Variants in GHR observed in about 807,000 individuals in gnomAD.
GHR encodes the protein GH receptor.
In GHR, 35 loss-of-function variants were observed where a neutral mutation model predicts 67.1. That is an observed-to-expected ratio of 0.52 (90% confidence interval 0.40 to 0.69). The LOEUF (loss-of-function observed/expected upper bound fraction) is 0.69. Ranked by LOEUF, GHR falls within the 30% of genes least tolerant of loss-of-function variation. The pLI, the probability that GHR is intolerant of heterozygous loss-of-function variation, is 0.00. For missense variants in GHR, 792 were observed against 764.6 expected (o/e 1.04, Z -0.42); for synonymous variants, 272 against 269.1 (o/e 1.01, Z -0.10).
chr5:42,643,912 A>G (rs1754602809), intron 3 of GHR, among the ~76,000 whole-genome samples: 1 of 152,094 alleles, frequency 6.6e-6, no homozygotes, highest in African/African-American at 2.4e-5. Context: ...AAAATTTAAT[A>G]CCTCAAGGGA....
At chr5:42,632,406 A>C (rs1279223408) in intron 3 of GHR, among the ~76,000 whole-genome samples, 1 of 152,216 alleles carries the variant, frequency 6.6e-6, no homozygotes, top group Non-Finnish European at 1.5e-5. Flanking sequence ...CTGGAGAGAC[A>C]CATATGGTCA....
At chr5:42,538,769 T>C (rs990006607) in intron 1 of GHR, among the ~76,000 whole-genome samples, 4 of 152,164 alleles carry the variant, frequency 2.6e-5, no homozygotes, top group Non-Finnish European at 5.9e-5. Flanking sequence ...CTCAAATATG[T>C]TTTCCCAAAC....
chr5:42,529,666 C>T (rs552456280), intron 1 of GHR, among the ~76,000 whole-genome samples: 34 of 152,252 alleles, frequency 2.2e-4, no homozygotes, highest in African/African-American at 8.2e-4. Flanking sequence ...ACGGACACAG[C>T]TTAACTCTTG....
rs1235461015 is a variant in GHR, at chr5:42,695,028, T to C, written c.378T>C (p.Cys126=). The change falls in exon 5 of 10, where the codon TGT becomes TGC. Residue 126 remains cysteine, a synonymous_variant. Coordinates refer to ENST00000230882, the MANE Select transcript of GHR (RefSeq NM_000163.5). ...TTACCTCCATCTGGATACCTTATTG[T>C]ATCAAGCTAACTAGCAATGGTGGTA... The part of the protein sequence containing the change: ...SSFTSIWIPY[C]IKLTSNGGTV... 4.3e-6 allele frequency: 7 copies of C among 1,610,758 alleles called. No homozygotes were observed. The highest frequency in any genetic ancestry group is 5.9e-6 in the Non-Finnish European group (7 of 1,177,058).
chr5:42,644,913 C>A (rs930536897), intron 3 of GHR, among the ~76,000 whole-genome samples: 3 of 152,050 alleles, frequency 2.0e-5, no homozygotes, highest in Non-Finnish European at 4.4e-5. Context: ...AAACACAATT[C>A]ACATTCTCAG....
chr5:42,521,357 T>G (rs1204511310), intron 1 of GHR, among the ~76,000 whole-genome samples: 1 of 152,222 alleles, frequency 6.6e-6, no homozygotes, highest in Non-Finnish European at 1.5e-5. Context: ...GGTTACAGGA[T>G]GGCATCTCAG....
At position 42,718,845 on chromosome 5, in the gene GHR, C is replaced by G. The variant is rs1036778839; in HGVS notation, c.1338C>G (p.Pro446=). The change falls in exon 10 of 10, where the codon CCC becomes CCG. Residue 446 remains proline (P), a synonymous_variant. Transcript: ENST00000230882. ...ATGCTTGCCCTGCTACTCAGCAGCC[C>G]AGTGTTATCCAAGCAGAGAAAAACA... ...YHDACPATQQ[P]SVIQAEKNKP... 14 of 1,613,942 alleles carry G rather than the reference C, an allele frequency of 8.7e-6. No individual in the cohort carries two copies. Among genetic ancestry groups the G allele is most frequent in the African/African-American group, 1.3e-5 (1 of 74,872 alleles).
intron 2 of GHR, among the ~76,000 whole-genome samples, chr5:42,622,395 C>G (rs1753494160): frequency 6.6e-6 from 1 of 152,092 alleles, no homozygotes; most frequent in Non-Finnish European, 1.5e-5. Flanking sequence ...GTGATTCTGA[C>G]CAGAGCAAGA....
intron 1 of GHR, among the ~76,000 whole-genome samples, chr5:42,463,340 C>T (rs1744567536): frequency 6.6e-6 from 1 of 152,116 alleles, no homozygotes; most frequent in Non-Finnish European, 1.5e-5. Context: ...GCCTTGTTGG[C>T]CATATCTTTT....
chr5:42,532,956 A>G (rs1748044980), intron 1 of GHR, among the ~76,000 whole-genome samples: 1 of 152,128 alleles, frequency 6.6e-6, no homozygotes, highest in African/African-American at 2.4e-5. Context: ...CATATATATC[A>G]GTGTACTTGC....
intron 1 of GHR, among the ~76,000 whole-genome samples, chr5:42,536,498 G>A (rs1224248252): frequency 6.6e-6 from 1 of 151,880 alleles, no homozygotes; most frequent in Non-Finnish European, 1.5e-5. Flanking sequence ...CCATCTCTGT[G>A]CCCCTGGTAT....
intron 1 of GHR, among the ~76,000 whole-genome samples, chr5:42,485,094 T>C (rs1414346302): frequency 1.3e-5 from 2 of 152,166 alleles, no homozygotes; most frequent in Non-Finnish European, 2.9e-5. Flanking sequence ...CCCTGTCAAG[T>C]TTACCCATTA....
intron 3 of GHR, among the ~76,000 whole-genome samples, chr5:42,682,860 T>A (rs1756955619): frequency 6.6e-6 from 1 of 152,218 alleles, no homozygotes; most frequent in Admixed American, 6.5e-5. Flanking sequence ...CTGTGTCCTG[T>A]GCTTCAAGCT....
At chr5:42,454,105 G>T (rs67526935) in intron 1 of GHR, among the ~76,000 whole-genome samples, 11,829 of 152,196 alleles carry the variant, frequency 0.078, 606 homozygotes, top group African/African-American at 0.14. Flanking sequence ...CCAGGCTCTG[G>T]GCTGGTGCTG....
At chr5:42,498,989 T>G (rs1346140703) in intron 1 of GHR, among the ~76,000 whole-genome samples, 1 of 152,194 alleles carries the variant, frequency 6.6e-6, no homozygotes, top group Non-Finnish European at 1.5e-5. Flanking sequence ...GAATAAAGAT[T>G]ATTGTTGTTC....
At chr5:42,469,955 T>G (rs900560811) in intron 1 of GHR, among the ~76,000 whole-genome samples, 2 of 151,726 alleles carry the variant, frequency 1.3e-5, no homozygotes, top group African/African-American at 4.8e-5. Context: ...TCACAGTAAT[T>G]TAAGTCTCAC....
intron 6 of GHR, among the ~76,000 whole-genome samples, chr5:42,706,016 A>G (rs74709517): frequency 0.042 from 6,463 of 152,182 alleles, 193 homozygotes; most frequent in African/African-American, 0.084. Context: ...TACCAGCAGG[A>G]TATAAGTGTT....
chr5:42,525,020 C>G (rs1424026615), intron 1 of GHR, among the ~76,000 whole-genome samples: 1 of 152,226 alleles, frequency 6.6e-6, no homozygotes. Context: ...AGAACCTGTG[C>G]TAGGGCAGTG....
At position 42,512,017 on chromosome 5, in the gene GHR, G is replaced by T. The variant is rs141717991; in HGVS notation, c.-11-53847G>T. 3.7e-3 allele frequency among the ~76,000 whole-genome samples: 558 copies of T among 152,162 alleles called. 4 individuals carry two copies. Among genetic ancestry groups the T allele is most frequent in the African/African-American group, 0.013 (540 of 41,514 alleles). ...GACCCTACGCTTGAGCTGCCGGTGG[G>T]TTGCTGAAAAATTAATATTTGATGG... On this transcript the variant is annotated intron_variant, in intron 1 of 9. Coordinates refer to ENST00000230882, the MANE Select transcript of GHR (RefSeq NM_000163.5).
Sources: allele counts gnomAD v4.1 joint callset (sites outside exome capture counted in the v4.1 genomes callset), GRCh38; gene constraint gnomAD v4.1.1; transcripts MANE v1.5; gene names NCBI Gene and HGNC (gene_info 2026-07-23, HGNC 2026-07-21).